The following UBTD2 variants were observed in gnomAD, a reference collection of about 807,000 sequenced individuals.
UBTD2 encodes ubiquitin domain-containing protein 2.
Under a neutral mutation model 19.8 loss-of-function variants are expected in UBTD2, and 9 were observed. The observed-to-expected ratio is 0.46, with a 90% CI of 0.27 to 0.79. The LOEUF is 0.79. Among genes scored for constraint, UBTD2 ranks in the 30% least tolerant of loss-of-function variants. The pLI is 0.14. For synonymous variants in UBTD2, 98 were observed against 103.9 expected (o/e 0.94, Z 0.35); for missense variants, 250 against 300.4 (o/e 0.83, Z 1.24).
chr5:172,282,808 G>T (rs1371678661), intron 1 of UBTD2, among the ~76,000 whole-genome samples: 3 of 152,170 alleles, frequency 2.0e-5, no homozygotes, highest in African/African-American at 7.2e-5. Flanking sequence ...TATAAAGTAG[G>T]AGTGCGTTCC....
At chr5:172,268,723 TG>T (rs1755425474) in intron 1 of UBTD2, among the ~76,000 whole-genome samples, 2 of 152,146 alleles carry the variant, frequency 1.3e-5, no homozygotes, top group South Asian at 4.1e-4. Flanking sequence ...CACTCCAGCC[TG>T]GGCAACAAAG....
intron 2 of UBTD2, among the ~76,000 whole-genome samples, chr5:172,217,790 G>C (rs2113874749): frequency 6.6e-6 from 1 of 152,244 alleles, no homozygotes; most frequent in Non-Finnish European, 1.5e-5. Context: ...GGACCAAGAA[G>C]AAATAATAAT....
At chr5:172,222,108 T>TTAA (rs2113879083) in intron 2 of UBTD2, among the ~76,000 whole-genome samples, 1 of 152,358 alleles carries the variant, frequency 6.6e-6, no homozygotes, top group South Asian at 2.1e-4. Context: ...TCTTCCTGAA[T>TTAA]TAAATATCTG....
intron 2 of UBTD2, among the ~76,000 whole-genome samples, chr5:172,215,145 C>T (rs1771517507): frequency 6.6e-6 from 1 of 152,198 alleles, no homozygotes; most frequent in African/African-American, 2.4e-5. Context: ...GAGAAAGCTC[C>T]ATGGGGACTT....
intron 1 of UBTD2, among the ~76,000 whole-genome samples, chr5:172,271,178 C>G (rs994692667): frequency 7.9e-5 from 12 of 152,098 alleles, no homozygotes; most frequent in African/African-American, 2.4e-4. Context: ...CACCTATAAT[C>G]CCAGCATTTT....
At chr5:172,242,555 G>T in intron 1 of UBTD2, 2 of 402,748 alleles carry the variant, frequency 5.0e-6, no homozygotes, top group Non-Finnish European at 6.7e-6. Context: ...AGGTTTAGAA[G>T]CTTTATTAGA....
At chr5:172,246,413 A>C (rs1005750979) in intron 1 of UBTD2, among the ~76,000 whole-genome samples, 1 of 150,670 alleles carries the variant, frequency 6.6e-6, no homozygotes, top group Non-Finnish European at 1.5e-5. Context: ...TAAACAAACC[A>C]ATTTAAAAAA....
intron 1 of UBTD2, chr5:172,254,491 T>C: frequency 1.8e-6 from 1 of 541,990 alleles, no homozygotes; most frequent in Non-Finnish European, 3.4e-6. Context: ...CCTAAATGTC[T>C]TTTTAGTTCA....
At chr5:172,281,963 T>C (rs1012362635) in intron 1 of UBTD2, among the ~76,000 whole-genome samples, 2 of 152,170 alleles carry the variant, frequency 1.3e-5, no homozygotes, top group African/African-American at 2.4e-5. Flanking sequence ...TACCCAAAGC[T>C]AAGATTTCAC....
intron 1 of UBTD2, among the ~76,000 whole-genome samples, chr5:172,264,689 A>G (rs1268353431): frequency 6.6e-6 from 1 of 152,154 alleles, no homozygotes; most frequent in Admixed American, 6.6e-5. Flanking sequence ...AAACTGGGCA[A>G]CATGGTGAGA....
intron 1 of UBTD2, among the ~76,000 whole-genome samples, chr5:172,237,106 T>C (rs1000684840): frequency 1.3e-5 from 2 of 152,200 alleles, no homozygotes; most frequent in African/African-American, 2.4e-5. Flanking sequence ...ATTTTATTCA[T>C]ATACTTGAGA....
intron 1 of UBTD2, among the ~76,000 whole-genome samples, chr5:172,270,549 G>C (rs983708315): frequency 6.6e-6 from 1 of 151,640 alleles, no homozygotes; most frequent in Non-Finnish European, 1.5e-5. Flanking sequence ...TAAAAGACGG[G>C]GTTTCAATGT....
At chr5:172,280,114 A>T (rs1385791618) in intron 1 of UBTD2, among the ~76,000 whole-genome samples, 1 of 152,018 alleles carries the variant, frequency 6.6e-6, no homozygotes, top group African/African-American at 2.4e-5. Context: ...AAAAAAAAAA[A>T]GTCAAAACAA....
At chr5:172,232,496 G>A (rs954059441) in intron 2 of UBTD2, among the ~76,000 whole-genome samples, 2 of 152,036 alleles carry the variant, frequency 1.3e-5, no homozygotes, top group African/African-American at 4.8e-5. Flanking sequence ...TAAAAAAAAG[G>A]AATGTTTCTT....
chr5:172,267,940 T>G (rs565140566), intron 1 of UBTD2, among the ~76,000 whole-genome samples: 6 of 152,328 alleles, frequency 3.9e-5, no homozygotes, highest in African/African-American at 1.4e-4. Context: ...TCCCAGATCT[T>G]TTCATTATAC....
At chr5:172,216,590 C>T (rs1435767765) in intron 2 of UBTD2, among the ~76,000 whole-genome samples, 1 of 42,726 alleles carries the variant, frequency 2.3e-5, no homozygotes, top group Admixed American at 2.7e-4. Flanking sequence ...CCATCTCTAC[C>T]CAAAAAAAAA....
chr5:172,217,343 C>T (rs538529415), intron 2 of UBTD2, among the ~76,000 whole-genome samples: 102 of 149,282 alleles, frequency 6.8e-4, no homozygotes, highest in African/African-American at 2.4e-3. Context: ...GGCATGAACC[C>T]GGGAGGCGGA....
chr5:172,244,179 T>C (rs575138793), intron 1 of UBTD2, among the ~76,000 whole-genome samples: 12 of 152,262 alleles, frequency 7.9e-5, no homozygotes, highest in Admixed American at 6.5e-4. Flanking sequence ...TCCTCATCTA[T>C]GGGGTAGTGC....
intron 1 of UBTD2, among the ~76,000 whole-genome samples, chr5:172,240,294 A>T (rs1052511576): frequency 6.6e-6 from 1 of 152,174 alleles, no homozygotes; most frequent in Non-Finnish European, 1.5e-5. Context: ...TCTACAACAA[A>T]TTAGAGACTA....
Sources: allele counts gnomAD v4.1 joint callset (sites outside exome capture counted in the v4.1 genomes callset), GRCh38; gene constraint gnomAD v4.1.1; transcripts MANE v1.5; gene names NCBI Gene and HGNC (gene_info 2026-07-23, HGNC 2026-07-21).